GLMN: variants seen among roughly 807,000 people sequenced by gnomAD.
GLMN encodes glomulin, FKBP associated protein, also known as glomulin.
Under a neutral mutation model 87.8 loss-of-function variants are expected in GLMN, and 75 were observed. The observed-to-expected ratio is 0.85, with a 90% confidence interval of 0.71 to 1.04. GLMN has a LOEUF of 1.04. GLMN is among the 50% of genes least tolerant of loss of function. The probability of loss-of-function intolerance (pLI) is 0.00; values close to 1 mark genes in which losing one functional copy is unlikely to be tolerated. For synonymous variants in GLMN, 206 were observed against 221.6 expected (o/e 0.93, Z 0.63); for missense variants, 588 against 658.8 (o/e 0.89, Z 1.18).
chr1:92,292,057 T>C (rs777217291), intron 3 of GLMN, among the ~76,000 whole-genome samples: 29 of 152,258 alleles, frequency 1.9e-4, no homozygotes, highest in Non-Finnish European at 3.7e-4. Flanking sequence ...AGTAAAAGTT[T>C]ATCTTTATAA....
the GLMN span, among the ~76,000 whole-genome samples, chr1:92,355,648 T>C: frequency 6.6e-6 from 1 of 152,180 alleles, no homozygotes; most frequent in Non-Finnish European, 1.5e-5. Context: ...CCAAGATGCC[T>C]TCTCTTTCTA....
chr1:92,253,868 G>A (rs753147474), intron 16 of GLMN, among the ~76,000 whole-genome samples: 8 of 152,184 alleles, frequency 5.3e-5, no homozygotes, highest in Non-Finnish European at 1.0e-4. Context: ...CTTCTCCAAA[G>A]GATCACAACT....
the GLMN span, among the ~76,000 whole-genome samples, chr1:92,327,029 C>T: frequency 2.9e-4 from 44 of 152,332 alleles, no homozygotes; most frequent in East Asian, 7.7e-4. Context: ...TGGTCTATCT[C>T]GGAGACTGTT....
rs1557564042 is a variant in GLMN at position 92,289,108 on chromosome 1, T to C, written c.438A>G (p.Ala146=). Residue 146 remains alanine (A), a synonymous_variant, in exon 6 of 19, where the codon GCA becomes GCG. Transcript: ENST00000370360. ...ATAGCTGATTCCAAAGGGTAGACAATGCTAATCCAATTGAATATGCCTTGT... is the reference window on the plus strand; with the variant it reads ...ATAGCTGATTCCAAAGGGTAGACAACGCTAATCCAATTGAATATGCCTTGT... The part of the protein sequence containing the change: ...LHNKAYSIGL[A]LSTLWNQLSL... The C allele has an allele frequency of 6.2e-7, 1 of 1,610,542 alleles. No homozygotes were observed. Among genetic ancestry groups the C allele is most frequent in the Non-Finnish European group, 8.5e-7 (1 of 1,176,836 alleles).
At chr1:92,286,038 T>C (rs1648709077) in intron 7 of GLMN, among the ~76,000 whole-genome samples, 1 of 151,936 alleles carries the variant, frequency 6.6e-6, no homozygotes, top group South Asian at 2.1e-4. Flanking sequence ...TTACTTATCA[T>C]AGACTTAACA....
the GLMN span, among the ~76,000 whole-genome samples, chr1:92,360,517 A>T: frequency 1.3e-5 from 2 of 152,294 alleles, no homozygotes; most frequent in East Asian, 3.9e-4. Context: ...AAGTTTGAGC[A>T]TTTTGGTAGC....
At chr1:92,320,408 G>A in the GLMN span, among the ~76,000 whole-genome samples, 1 of 152,084 alleles carries the variant, frequency 6.6e-6, no homozygotes, top group Non-Finnish European at 1.5e-5. Flanking sequence ...GAGTAGCTGG[G>A]ACTACAGGCG....
the GLMN span, chr1:92,307,085 C>T: frequency 1.3e-6 from 1 of 782,350 alleles, no homozygotes; most frequent in Non-Finnish European, 2.0e-6. Context: ...CTGTAGGTTT[C>T]CATTTTATTC....
chr1:92,292,731 T>C (rs1293273783), intron 3 of GLMN, among the ~76,000 whole-genome samples: 4 of 136,392 alleles, frequency 2.9e-5, no homozygotes, highest in Non-Finnish European at 4.8e-5. Context: ...TCTTTTCTTT[T>C]CTTTTTTTTT....
chr1:92,334,605 T>TG, the GLMN span, among the ~76,000 whole-genome samples: 3 of 152,026 alleles, frequency 2.0e-5, no homozygotes, highest in East Asian at 3.9e-4. Context: ...CCCAGAACTT[T>TG]GGGAGGCTGA....
intron 11 of GLMN, among the ~76,000 whole-genome samples, chr1:92,267,252 T>G (rs1353723875): frequency 3.3e-5 from 5 of 152,080 alleles, no homozygotes; most frequent in Non-Finnish European, 7.4e-5. Flanking sequence ...CCTGAGAACT[T>G]GAGTTATGAG....
chr1:92,253,293 C>A (rs1250860069), intron 16 of GLMN, among the ~76,000 whole-genome samples: 2 of 152,194 alleles, frequency 1.3e-5, no homozygotes, highest in East Asian at 3.8e-4. Context: ...ATAAAACTTC[C>A]ATCTCCCTGG....
the GLMN span, among the ~76,000 whole-genome samples, chr1:92,364,760 G>C: frequency 6.6e-6 from 1 of 152,048 alleles, no homozygotes; most frequent in Non-Finnish European, 1.5e-5. Flanking sequence ...CTAGACTGCT[G>C]CAATTATAGC....
At chr1:92,299,064 A>G (rs1650558436), upstream of GLMN, 4 of 1,455,788 alleles carry the variant, frequency 2.7e-6, no homozygotes, top group Admixed American at 2.3e-5. Flanking sequence ...CCGGCAGACT[A>G]CTCTCCCCCA....
chr1:92,321,185 G>T, the GLMN span, among the ~76,000 whole-genome samples: 42,549 of 152,052 alleles, frequency 0.28, 6,884 homozygotes, highest in Non-Finnish European at 0.35. Context: ...ATGGCGTTGA[G>T]CACAAATAAG....
At chr1:92,342,397 A>T in the GLMN span, among the ~76,000 whole-genome samples, 3 of 152,158 alleles carry the variant, frequency 2.0e-5, no homozygotes, top group African/African-American at 7.2e-5. Flanking sequence ...GAGTAGAGAG[A>T]TATGTGGTCA....
At chr1:92,308,055 G>A in the GLMN span, among the ~76,000 whole-genome samples, 2 of 152,066 alleles carry the variant, frequency 1.3e-5, no homozygotes, top group Middle Eastern at 3.4e-3. Context: ...ATGAGATGCA[G>A]GTTAGCTAAA....
chr1:92,292,569 C>A (rs1338903122), intron 3 of GLMN, among the ~76,000 whole-genome samples: 9 of 147,692 alleles, frequency 6.1e-5, no homozygotes, highest in Non-Finnish European at 1.3e-4. Context: ...CGCCACCATG[C>A]CTGGCTAATT....
chr1:92,324,072 G>A, the GLMN span: 1 of 1,614,016 alleles, frequency 6.2e-7, no homozygotes. Flanking sequence ...AAACATTGAG[G>A]TTTTTGTATG....
Sources: gnomAD v4.1 joint callset for allele counts (sites outside exome capture counted in the v4.1 genomes callset) on GRCh38, gnomAD v4.1.1 for gene constraint, MANE v1.5 for transcripts, NCBI Gene and HGNC (gene_info 2026-07-23, HGNC 2026-07-21) for gene names.